PPM1L: variants seen among roughly 807,000 people sequenced by gnomAD.
PPM1L encodes protein phosphatase, Mg2+/Mn2+ dependent 1L.
PPM1L carries 13 observed loss-of-function variants against 31.4 expected under a neutral mutation model. That is an observed-to-expected ratio of 0.41 (90% CI 0.27 to 0.66). The LOEUF (loss-of-function observed/expected upper bound fraction) is 0.66, where lower values mean the gene tolerates loss of function less well. PPM1L is among the 30% of genes least tolerant of loss of function. The pLI is 0.29. For synonymous variants in PPM1L, 184 were observed against 175.4 expected, an observed-to-expected ratio of 1.05 and a Z score of -0.39; for missense variants, 326 against 453.7, an observed-to-expected ratio of 0.72 and a Z score of 2.56.
At chr3:160,844,225 G>C (rs1452704317) in intron 1 of PPM1L, among the ~76,000 whole-genome samples, 1 of 152,134 alleles carries the variant, frequency 6.6e-6, no homozygotes, top group East Asian at 1.9e-4. Flanking sequence ...GTGGACTCTG[G>C]TCTAATACTT....
At chr3:160,909,703 A>G (rs1432751094) in intron 1 of PPM1L, among the ~76,000 whole-genome samples, 2 of 152,260 alleles carry the variant, frequency 1.3e-5, no homozygotes, top group African/African-American at 2.4e-5. Flanking sequence ...AGAAGAAGAA[A>G]TCAAAGAACT....
At chr3:160,875,621 A>G (rs887149703) in intron 1 of PPM1L, among the ~76,000 whole-genome samples, 3 of 152,248 alleles carry the variant, frequency 2.0e-5, no homozygotes, top group African/African-American at 7.2e-5. Context: ...AGGATTTACT[A>G]TGTGCAAGGC....
intron 1 of PPM1L, among the ~76,000 whole-genome samples, chr3:160,934,118 A>C (rs929024452): frequency 1.3e-5 from 2 of 152,200 alleles, no homozygotes. Context: ...TGGATGATCA[A>C]TTTTTTAAAA....
intron 2 of PPM1L, among the ~76,000 whole-genome samples, chr3:160,977,387 C>T (rs1716628056): frequency 6.6e-6 from 1 of 152,238 alleles, no homozygotes; most frequent in Non-Finnish European, 1.5e-5. Context: ...GTGCCAAGTT[C>T]TGGCTACGTG....
At chr3:160,810,554 C>T (rs1712775347) in intron 1 of PPM1L, among the ~76,000 whole-genome samples, 1 of 152,122 alleles carries the variant, frequency 6.6e-6, no homozygotes, top group Non-Finnish European at 1.5e-5. Context: ...CATGAATCAG[C>T]AGAGTTGAAA....
At chr3:160,789,774 C>T (rs186499278) in intron 1 of PPM1L, among the ~76,000 whole-genome samples, 3 of 151,758 alleles carry the variant, frequency 2.0e-5, no homozygotes, top group Admixed American at 6.6e-5. Flanking sequence ...CTTCTGATAT[C>T]GAACCATCTT....
At position 160,970,787 on chromosome 3, in the gene PPM1L, A is replaced by ATTCTTTTTTTT. The variant is rs1360956984; in HGVS notation, c.574+8879_574+8880insCTTTTTTTTTT. 4.7e-3 allele frequency among the ~76,000 whole-genome samples: 457 copies of ATTCTTTTTTTT among 97,164 alleles called. 67 individuals are homozygous for ATTCTTTTTTTT. Among genetic ancestry groups the ATTCTTTTTTTT allele is most frequent in the African/African-American group, 0.019 (422 of 22,358 alleles). 63.7% of individuals were successfully genotyped at this position (97,164 alleles called of 152,430 possible). A position where few individuals can be genotyped will look rare whatever the true frequency, so the allele number is the denominator to read the frequency against. On this transcript the variant is annotated intron_variant, in intron 2 of 3. Coordinates refer to ENST00000498165, the MANE Select transcript of PPM1L (RefSeq NM_139245.4). ...CAAGCTGATTTTAATTTCAGTTATA[A>ATTCTTTTTTTT]TTTTTTTTTTTTTTTTTTTTTTGAG...
At chr3:160,965,101 A>C (rs1173734200) in intron 2 of PPM1L, among the ~76,000 whole-genome samples, 1 of 151,782 alleles carries the variant, frequency 6.6e-6, no homozygotes, top group Non-Finnish European at 1.5e-5. Flanking sequence ...AATACAAAAA[A>C]TTAGCCGGGC....
At chr3:160,766,326 G>A (rs549679728) in intron 1 of PPM1L, among the ~76,000 whole-genome samples, 1 of 152,270 alleles carries the variant, frequency 6.6e-6, no homozygotes, top group Admixed American at 6.5e-5. Flanking sequence ...ATCTCATCTT[G>A]TATTGTAATT....
intron 1 of PPM1L, among the ~76,000 whole-genome samples, chr3:160,825,220 C>A (rs1713317312): frequency 6.6e-6 from 1 of 151,984 alleles, no homozygotes; most frequent in Middle Eastern, 3.2e-3. Flanking sequence ...TATTTGTCTA[C>A]ATTTTGCAAT....
intron 1 of PPM1L, among the ~76,000 whole-genome samples, chr3:160,875,616 T>G (rs1712480693): frequency 6.6e-6 from 1 of 152,204 alleles, no homozygotes; most frequent in Non-Finnish European, 1.5e-5. Context: ...TATTGAGGAT[T>G]TACTATGTGC....
At chr3:160,948,327 CTAAAA>C (rs1394581126) in intron 1 of PPM1L, among the ~76,000 whole-genome samples, 1 of 67,748 alleles carries the variant, frequency 1.5e-5, no homozygotes, top group East Asian at 2.0e-4. Context: ...TTTCCTCTTG[CTAAAA>C]TAAGATACCC....
intron 1 of PPM1L, among the ~76,000 whole-genome samples, chr3:160,885,163 A>G (rs1475676961): frequency 1.3e-5 from 2 of 152,204 alleles, no homozygotes; most frequent in Admixed American, 6.5e-5. Flanking sequence ...GACCTAAGGT[A>G]TTAGAAATCA....
intron 2 of PPM1L, among the ~76,000 whole-genome samples, chr3:160,997,309 C>T (rs979989882): frequency 7.9e-5 from 12 of 152,110 alleles, no homozygotes; most frequent in African/African-American, 2.9e-4. Flanking sequence ...ACTGATTGCA[C>T]ATGTTTGAAA....
intron 1 of PPM1L, among the ~76,000 whole-genome samples, chr3:160,803,025 G>A (rs1001926783): frequency 2.6e-5 from 4 of 152,210 alleles, no homozygotes; most frequent in Admixed American, 1.3e-4. Flanking sequence ...AGCTCAAAGA[G>A]GTGAAAATGG....
At chr3:160,841,508 G>A (rs1201600850) in intron 1 of PPM1L, among the ~76,000 whole-genome samples, 1 of 152,128 alleles carries the variant, frequency 6.6e-6, no homozygotes, top group East Asian at 1.9e-4. Context: ...AGTTTGTAAT[G>A]ACAACATTAG....
intron 1 of PPM1L, among the ~76,000 whole-genome samples, chr3:160,827,954 G>A (rs977125961): frequency 2.0e-4 from 30 of 152,130 alleles, no homozygotes; most frequent in African/African-American, 6.3e-4. Context: ...GAGAGAAAGA[G>A]CAAGAGAGGT....
At chr3:160,978,727 G>A (rs1716692209) in intron 2 of PPM1L, among the ~76,000 whole-genome samples, 1 of 152,140 alleles carries the variant, frequency 6.6e-6, no homozygotes, top group East Asian at 1.9e-4. Context: ...TTACCCAGGA[G>A]GCTGATGCAG....
At position 161,074,888 on chromosome 3, in the gene PPM1L, T is replaced by C. The variant is rs1189008433; in HGVS notation, c.*5731T>C. 1 of 152,208 alleles carries C rather than the reference T, an allele frequency of 6.6e-6. No homozygotes were observed. The highest frequency in any genetic ancestry group is 1.9e-4 in the East Asian group (1 of 5,204). 9.4% of individuals were successfully genotyped at this position (152,208 alleles called of 1,614,324 possible). A position where few individuals can be genotyped will look rare whatever the true frequency, so the allele number is the denominator to read the frequency against. On this transcript the variant is annotated 3_prime_UTR_variant, in exon 4 of 4. Coordinates refer to ENST00000498165, the MANE Select transcript of PPM1L (RefSeq NM_139245.4). ...GCAAGCATGCAGCAAAGGCATAGAC[T>C]GTATTTAGAGATGTGGTTTCATTTA... is the stretch of plus-strand genomic sequence containing the variant.
Sources: allele counts gnomAD v4.1 joint callset (sites outside exome capture counted in the v4.1 genomes callset), GRCh38; gene constraint gnomAD v4.1.1; transcripts MANE v1.5; gene names NCBI Gene and HGNC (gene_info 2026-07-23, HGNC 2026-07-21).